CDYL2: variants seen among roughly 807,000 people sequenced by gnomAD.
CDYL2 encodes chromodomain Y-like protein 2.
A neutral mutation model predicts 49.4 loss-of-function variants in CDYL2; 23 were observed. The observed-to-expected ratio is 0.47, with a 90% CI of 0.34 to 0.66. The LOEUF is 0.66. Among genes scored for constraint, CDYL2 ranks in the 30% least tolerant of loss-of-function variants. CDYL2 has a pLI of 0.01. For synonymous variants in CDYL2, 360 were observed against 268.8 expected (o/e 1.34, Z -3.32); for missense variants, 678 against 656.4 (o/e 1.03, Z -0.36).
intron 6 of CDYL2, among the ~76,000 whole-genome samples, chr16:80,605,653 C>G (rs1906298872): frequency 6.6e-6 from 1 of 151,410 alleles, no homozygotes; most frequent in African/African-American, 2.4e-5. Flanking sequence ...GCAATAATCA[C>G]AGTAACAATA....
chr16:80,724,183 G>A (rs1348529214), intron 1 of CDYL2, among the ~76,000 whole-genome samples: 1 of 149,564 alleles, frequency 6.7e-6, no homozygotes, highest in Non-Finnish European at 1.5e-5. Context: ...CAAAGAGGAA[G>A]AGGAGAGGAG....
At chr16:80,720,512 C>G (rs911742055) in intron 1 of CDYL2, among the ~76,000 whole-genome samples, 1 of 152,182 alleles carries the variant, frequency 6.6e-6, no homozygotes, top group Admixed American at 6.5e-5. Context: ...AGGGTATGCT[C>G]GTCTACAGAG....
At chr16:80,780,326 C>T (rs528345478) in intron 1 of CDYL2, among the ~76,000 whole-genome samples, 2 of 151,910 alleles carry the variant, frequency 1.3e-5, no homozygotes, top group Admixed American at 6.6e-5. Flanking sequence ...GCCCTTCACA[C>T]CAATCTCATT....
rs142747878 is a variant in CDYL2, at chr16:80,782,463, G to A, written c.24+21687C>T. On this transcript the variant is annotated intron_variant, in intron 1 of 6. Transcript: ENST00000570137. ...AAATCTTCTAAAAAGCTAAAAGGGAGGGTATACTTTCAAGCTCATTTTATC... is the reference window on the plus strand; with the variant it reads ...AAATCTTCTAAAAAGCTAAAAGGGAAGGTATACTTTCAAGCTCATTTTATC... Among the ~76,000 whole-genome samples the A allele has an allele frequency of 4.2e-3, 632 of 150,026 alleles. 5 individuals are homozygous for A. Among genetic ancestry groups the A allele is most frequent in the Non-Finnish European group, 7.3e-3 (493 of 67,658 alleles).
rs147293460 is a variant in CDYL2, at chr16:80,761,013, C to T, written c.24+43137G>A. On this transcript the variant is annotated intron_variant, in intron 1 of 6. Coordinates refer to ENST00000570137, the MANE Select transcript of CDYL2 (RefSeq NM_152342.4). ...TGATGGCAACCAAACGGACAATGTG[C>T]AATAGACTTCAGAATGTAGAGCGTT... is the stretch of plus-strand genomic sequence containing the variant. Among the ~76,000 whole-genome samples the T allele has an allele frequency of 2.5e-3, 385 of 152,214 alleles. 4 individuals are homozygous for T. The highest frequency in any genetic ancestry group is 8.9e-3 in the African/African-American group (369 of 41,510).
rs867367547 is a variant in CDYL2, at chr16:80,803,721, C to G, written c.24+429G>C. On this transcript the variant is annotated intron_variant, in intron 1 of 6. Transcript: ENST00000570137. ...GCCGCGCAACCCCCGCCCCACACCC[C>G]CGCCGGCCGCGGCGCGCCCCCCCGC... Among the ~76,000 whole-genome samples the G allele has an allele frequency of 5.8e-3, 836 of 143,246 alleles. 3 individuals are homozygous for G. Among genetic ancestry groups the G allele is most frequent in the Non-Finnish European group, 0.01 (657 of 64,544 alleles). 94.0% of individuals were successfully genotyped at this position (143,246 alleles called of 152,430 possible).
chr16:80,781,412 G>C (rs1423084958), intron 1 of CDYL2, among the ~76,000 whole-genome samples: 1 of 152,076 alleles, frequency 6.6e-6, no homozygotes, highest in Non-Finnish European at 1.5e-5. Flanking sequence ...CAAAATAGGA[G>C]GGAGAGACAG....
Position 80,632,759 on chromosome 16 carries a change from G to C in CDYL2, c.834+260C>G, listed in dbSNP as rs543120468. 7.0e-6 allele frequency: 3 copies of C among 428,152 alleles called. No individual in the cohort carries two copies. In the South Asian group the frequency reaches 9.2e-5, roughly 13 times the overall value. 26.5% of individuals were successfully genotyped at this position (428,152 alleles called of 1,614,324 possible). On this transcript the variant is annotated intron_variant, in intron 3 of 6. Coordinates refer to ENST00000570137, the MANE Select transcript of CDYL2 (RefSeq NM_152342.4). ...CTGGGTCTGCCCCTTGGCTAAGTCTGTGTCCACGATCAGTTCAGTGAGTCC... is the reference window on the plus strand; with the variant it reads ...CTGGGTCTGCCCCTTGGCTAAGTCTCTGTCCACGATCAGTTCAGTGAGTCC...
At position 80,604,332 on chromosome 16, in the gene CDYL2, T is replaced by C; in HGVS notation, c.*56A>G. On this transcript the variant is annotated 3_prime_UTR_variant, in exon 7 of 7. Coordinates refer to ENST00000570137, the MANE Select transcript of CDYL2 (RefSeq NM_152342.4). ...CTTGGCCGGGGCAGACACTGTGCTC[T>C]GGTTTCCGAAACACAGGGCAGAGCT... 1 of 1,600,114 alleles carries C rather than the reference T, an allele frequency of 6.2e-7. No individual in the cohort carries two copies. Among genetic ancestry groups the C allele is most frequent in the Non-Finnish European group, 8.6e-7 (1 of 1,169,538 alleles).
chr16:80,604,727 G>C (rs1906255356), intron 6 of CDYL2, among the ~76,000 whole-genome samples, 181 bp from the exon 7 acceptor site: 1 of 152,174 alleles, frequency 6.6e-6, no homozygotes, highest in Non-Finnish European at 1.5e-5. Flanking sequence ...TCCCAGATGT[G>C]TCAAGACGTG....
intron 1 of CDYL2, among the ~76,000 whole-genome samples, chr16:80,704,283 T>G (rs1904331691): frequency 6.6e-6 from 1 of 152,226 alleles, no homozygotes; most frequent in African/African-American, 2.4e-5. Context: ...GATATTCTTC[T>G]TCTTCTTTTA....
intron 1 of CDYL2, among the ~76,000 whole-genome samples, chr16:80,693,323 T>G (rs116318411): frequency 0.01 from 1,594 of 151,814 alleles, 34 homozygotes; most frequent in African/African-American, 0.036. Flanking sequence ...ACAAAACACA[T>G]AGAAATAAAA....
rs1397512624 is a variant in CDYL2 at position 80,612,944 on chromosome 16, G to C, written c.1008-108C>G. 6 of 1,003,202 alleles carry C rather than the reference G, an allele frequency of 6.0e-6. No individual in the cohort carries two copies. The highest frequency in any genetic ancestry group is 2.9e-4 in the Middle Eastern group (1 of 3,404). The allele number at this position is 1,003,202 out of a possible 1,614,324, so 62.1% of individuals were successfully genotyped here. On this transcript the variant is annotated intron_variant, in intron 4 of 6. Transcript: ENST00000570137. The surrounding 1 kb of genome is among the most constrained non-coding windows in gnomAD (Gnocchi z 5.0). ...TGAGGAGCACCCTCAGGTCGTCAGA[G>C]GTTAGAGGTGCCAGGCAAGGGCCTC...
At chr16:80,638,219 C>T (rs968765886) in intron 2 of CDYL2, among the ~76,000 whole-genome samples, 2 of 152,096 alleles carry the variant, frequency 1.3e-5, no homozygotes, top group African/African-American at 2.4e-5. Context: ...GGACTACAGG[C>T]ATGTGGTAAC....
chr16:80,608,906 C>A (rs537270705), intron 5 of CDYL2, among the ~76,000 whole-genome samples: 1 of 152,300 alleles, frequency 6.6e-6, no homozygotes, highest in East Asian at 1.9e-4. Context: ...GCTGGGAGAA[C>A]CATTAAGCTC....
At chr16:80,782,530 G>GA (rs1188248662) in intron 1 of CDYL2, among the ~76,000 whole-genome samples, 5,471 of 35,914 alleles carry the variant, frequency 0.15, 253 homozygotes, top group Non-Finnish European at 0.18. Context: ...GACATAAGGA[G>GA]AAAAAAAAAA....
At chr16:80,626,170 T>G (rs1907289621) in intron 3 of CDYL2, among the ~76,000 whole-genome samples, 1 of 148,888 alleles carries the variant, frequency 6.7e-6, no homozygotes, top group South Asian at 2.1e-4. Flanking sequence ...TGGTGGTGCA[T>G]GCCAGTGGTC....
At chr16:80,790,014 T>C (rs530105619) in intron 1 of CDYL2, among the ~76,000 whole-genome samples, 1 of 152,322 alleles carries the variant, frequency 6.6e-6, no homozygotes, top group Non-Finnish European at 1.5e-5. Context: ...ATGTAATACT[T>C]ATGTAACAAA....
rs58744420 is a variant in CDYL2 at position 80,758,628 on chromosome 16, T to C, written c.24+45522A>G. On this transcript the variant is annotated intron_variant, in intron 1 of 6. Coordinates refer to ENST00000570137, the MANE Select transcript of CDYL2 (RefSeq NM_152342.4). ...CACGATCTCCGCTCACTGCAAGCTC[T>C]GCCTCCCTGGTTCACGCCATTCTCC... 5.0e-3 allele frequency among the ~76,000 whole-genome samples: 753 copies of C among 149,652 alleles called. 9 individuals carry two copies. The highest frequency in any genetic ancestry group is 0.016 in the African/African-American group (648 of 40,708).
Sources: gnomAD v4.1 joint callset for allele counts (sites outside exome capture counted in the v4.1 genomes callset) on GRCh38, gnomAD v4.1.1 for gene constraint, Gnocchi (gnomAD v3.1) non-coding constraint, MANE v1.5 for transcripts, NCBI Gene and HGNC (gene_info 2026-07-23, HGNC 2026-07-21) for gene names.